The following PLCL1 variants were observed in gnomAD, a reference collection of about 807,000 sequenced individuals.
PLCL1 encodes the protein phospholipase C like 1 (inactive).
Under a neutral mutation model 84.4 loss-of-function variants are expected in PLCL1, and 41 were observed. The ratio of observed to expected loss-of-function variants is 0.49; its 90% CI spans 0.38 to 0.63. PLCL1 has a LOEUF of 0.63. Among genes scored for constraint, PLCL1 ranks in the 30% least tolerant of loss-of-function variants. The pLI is 0.00. For synonymous variants in PLCL1, 490 were observed against 488.3 expected (o/e 1.00, Z -0.05); for missense variants, 1,206 against 1,367.8 (o/e 0.88, Z 1.87).
chr2:197,912,875 G>T (rs1367591062), intron 1 of PLCL1, among the ~76,000 whole-genome samples: 1 of 142,014 alleles, frequency 7.0e-6, no homozygotes, highest in Admixed American at 7.1e-5. Flanking sequence ...TGGGTGCAGC[G>T]CACCAGCATG....
At position 197,860,966 on chromosome 2, in the gene PLCL1, T is replaced by C. The variant is rs574578106; in HGVS notation, c.240+55627T>C. 5.9e-5 allele frequency among the ~76,000 whole-genome samples: 9 copies of C among 152,310 alleles called. No homozygotes were observed. The South Asian group carries it at 1.9e-3, about 32-fold the overall frequency. On this transcript the variant is annotated intron_variant, in intron 1 of 5. Transcript: ENST00000428675. The stretch of plus-strand genomic sequence containing the variant: ...CCCGTTCCTATGTCCAGAATGGTAT[T>C]GTCTAGATTGGGATCCCTGTCTTAA...
chr2:197,986,349 A>T (rs1690217119), intron 1 of PLCL1, among the ~76,000 whole-genome samples: 1 of 152,122 alleles, frequency 6.6e-6, no homozygotes, highest in South Asian at 2.1e-4. Flanking sequence ...TAATTTAATC[A>T]TTTTTAAAAA....
In PLCL1 at chr2:197,981,508, A is replaced by T. The variant is rs76690907; in HGVS notation, c.241-102250A>T. Among the ~76,000 whole-genome samples, 17 of 152,318 alleles carry T rather than the reference A, an allele frequency of 1.1e-4. No individual in the cohort carries two copies. In the East Asian group the frequency reaches 2.9e-3, roughly 26 times the overall value. ...TTCCTGATCTGTATAGGTTATTTGC[A>T]TGTAAATCATATTGACACACAAACT... On this transcript the variant is annotated intron_variant, in intron 1 of 5. Transcript: ENST00000428675.
chr2:198,074,538 T>C (rs1305874566), intron 1 of PLCL1, among the ~76,000 whole-genome samples: 1 of 152,116 alleles, frequency 6.6e-6, no homozygotes, highest in East Asian at 1.9e-4. Context: ...CATTAAAAAC[T>C]GAAAAGTCGA....
At chr2:198,036,695 G>A (rs1691557820) in intron 1 of PLCL1, among the ~76,000 whole-genome samples, 1 of 152,154 alleles carries the variant, frequency 6.6e-6, no homozygotes, top group Non-Finnish European at 1.5e-5. Context: ...AAAGAGGTTT[G>A]AGCTGAGTCA....
intron 1 of PLCL1, among the ~76,000 whole-genome samples, chr2:197,951,938 G>A (rs11890137): frequency 0.72 from 109,297 of 152,074 alleles, 40,187 homozygotes; most frequent in African/African-American, 0.87. Flanking sequence ...CAGAAACCTG[G>A]AGACTAATCT....
At chr2:197,850,586 A>G (rs1043195104) in intron 1 of PLCL1, among the ~76,000 whole-genome samples, 1 of 152,192 alleles carries the variant, frequency 6.6e-6, no homozygotes, top group African/African-American at 2.4e-5. Flanking sequence ...TCATAAGTAG[A>G]ATAAACCCGA....
At chr2:197,902,305 T>G (rs1287155114) in intron 1 of PLCL1, among the ~76,000 whole-genome samples, 2 of 152,202 alleles carry the variant, frequency 1.3e-5, no homozygotes. Flanking sequence ...TTAGTTTTAG[T>G]TAATTTCATG....
At chr2:197,965,029 G>A (rs1235121655) in intron 1 of PLCL1, among the ~76,000 whole-genome samples, 1 of 151,960 alleles carries the variant, frequency 6.6e-6, no homozygotes, top group Non-Finnish European at 1.5e-5. Context: ...TTTTATTGAT[G>A]TATCTTTGTC....
At chr2:198,034,794 T>G (rs1287711169) in intron 1 of PLCL1, among the ~76,000 whole-genome samples, 1 of 152,202 alleles carries the variant, frequency 6.6e-6, no homozygotes, top group Non-Finnish European at 1.5e-5. Context: ...TCACATGTTG[T>G]GTTGTGCTGT....
intron 1 of PLCL1, among the ~76,000 whole-genome samples, chr2:198,063,112 T>C (rs1403623911): frequency 6.6e-6 from 1 of 152,174 alleles, no homozygotes; most frequent in Non-Finnish European, 1.5e-5. Flanking sequence ...TAGCTGGAAA[T>C]TTTTTAGTAT....
At chr2:197,964,202 T>C (rs1433941040) in intron 1 of PLCL1, among the ~76,000 whole-genome samples, 1 of 152,154 alleles carries the variant, frequency 6.6e-6, no homozygotes, top group African/African-American at 2.4e-5. Context: ...ATGAACGTTC[T>C]AACAGTATTA....
chr2:198,104,014 GGATTAAATA>G, intron 5 of PLCL1, 78 bp downstream of exon 5: 1 of 646,214 alleles, frequency 1.5e-6, no homozygotes. Flanking sequence ...GAAATGTAAA[GGATTAAATA>G]TGATGGTTTG....
intron 1 of PLCL1, among the ~76,000 whole-genome samples, chr2:197,963,741 T>G (rs1689669685): frequency 6.6e-6 from 1 of 152,088 alleles, no homozygotes; most frequent in Non-Finnish European, 1.5e-5. Flanking sequence ...AGTCTTTAAT[T>G]CATTTTGATT....
intron 1 of PLCL1, among the ~76,000 whole-genome samples, chr2:198,053,632 C>T (rs1029140682): frequency 6.6e-6 from 1 of 152,138 alleles, no homozygotes; most frequent in Non-Finnish European, 1.5e-5. Context: ...TCCTATTTCC[C>T]TCATTGGACC....
At chr2:198,004,562 G>T (rs1364914065) in intron 1 of PLCL1, among the ~76,000 whole-genome samples, 1 of 152,074 alleles carries the variant, frequency 6.6e-6, no homozygotes, top group Non-Finnish European at 1.5e-5. Context: ...AAACTTTGTG[G>T]CTCTTGAAAG....
chr2:197,930,049 C>T (rs1688903905), intron 1 of PLCL1, among the ~76,000 whole-genome samples: 1 of 152,070 alleles, frequency 6.6e-6, no homozygotes, highest in Non-Finnish European at 1.5e-5. Flanking sequence ...GTGCATTAAT[C>T]TGTGCAAATG....
intron 1 of PLCL1, among the ~76,000 whole-genome samples, chr2:198,037,860 G>A (rs954802384): frequency 1.3e-5 from 2 of 152,122 alleles, no homozygotes; most frequent in Admixed American, 1.3e-4. Flanking sequence ...ATTAAATAAG[G>A]TGAGGGTAAG....
intron 1 of PLCL1, among the ~76,000 whole-genome samples, chr2:198,030,086 T>C (rs988205759): frequency 6.6e-6 from 1 of 152,152 alleles, no homozygotes; most frequent in Non-Finnish European, 1.5e-5. Flanking sequence ...GGGGGTTTGC[T>C]GCACAGCTGT....
Sources: gnomAD v4.1 joint callset for allele counts (sites outside exome capture counted in the v4.1 genomes callset) on GRCh38, gnomAD v4.1.1 for gene constraint, MANE v1.5 for transcripts, NCBI Gene and HGNC (gene_info 2026-07-23, HGNC 2026-07-21) for gene names.